The following CGNL1 variants were observed in gnomAD, a reference collection of about 807,000 sequenced individuals.
The protein encoded by CGNL1 is cingulin like 1, also known as cingulin-like protein 1.
In CGNL1, 132 loss-of-function variants were observed where a neutral mutation model predicts 141.2. The observed-to-expected ratio is 0.93, with a 90% CI of 0.81 to 1.08. The LOEUF is 1.08. Ranked by LOEUF, CGNL1 falls within the 50% of genes least tolerant of loss-of-function variation. The pLI, the probability that CGNL1 is intolerant of heterozygous loss-of-function variation, is 0.00. For synonymous variants in CGNL1, 690 were observed against 622.1 expected, an observed-to-expected ratio of 1.11 and a Z score of -1.63; for missense variants, 1,870 against 1,588.6, an observed-to-expected ratio of 1.18 and a Z score of -3.01.
At chr15:57,462,537 T>C (rs910434011) in intron 8 of CGNL1, among the ~76,000 whole-genome samples, 1 of 152,184 alleles carries the variant, frequency 6.6e-6, no homozygotes. Flanking sequence ...GGGAAAATGG[T>C]TTGAAATGTC....
At chr15:57,498,258 T>C (rs975067663) in intron 8 of CGNL1, among the ~76,000 whole-genome samples, 2 of 148,122 alleles carry the variant, frequency 1.4e-5, no homozygotes, top group Non-Finnish European at 3.0e-5. Context: ...TTTTTTTTTT[T>C]TTTTTTTGGA....
At chr15:57,423,339 G>A (rs1432385713) in intron 1 of CGNL1, among the ~76,000 whole-genome samples, 1 of 152,130 alleles carries the variant, frequency 6.6e-6, no homozygotes, top group Non-Finnish European at 1.5e-5. Context: ...CAACCCCCAT[G>A]GCTGTAAACA....
chr15:57,472,543 C>T (rs1378748300), intron 8 of CGNL1, among the ~76,000 whole-genome samples: 1 of 152,112 alleles, frequency 6.6e-6, no homozygotes, highest in African/African-American at 2.4e-5. Context: ...GTGGGAGGCC[C>T]TGGGATGATT....
At chr15:57,413,064 T>G (rs1276885367) in intron 1 of CGNL1, among the ~76,000 whole-genome samples, 2 of 152,122 alleles carry the variant, frequency 1.3e-5, no homozygotes, top group Non-Finnish European at 2.9e-5. Flanking sequence ...TTTCACCATG[T>G]TGGCCAGGCT....
At chr15:57,501,260 C>A (rs572012043) in intron 8 of CGNL1, among the ~76,000 whole-genome samples, 1 of 152,256 alleles carries the variant, frequency 6.6e-6, no homozygotes, top group African/African-American at 2.4e-5. Context: ...CCTATGAGCC[C>A]CTAAGCAAGT....
chr15:57,447,408 CAAGTATTGT>C (rs2063267631), intron 4 of CGNL1, among the ~76,000 whole-genome samples: 1 of 152,140 alleles, frequency 6.6e-6, no homozygotes. Context: ...TCTAGTGTGG[CAAGTATTGT>C]TTTGCTTCAT....
chr15:57,522,122 C>T (rs910536591), intron 10 of CGNL1, among the ~76,000 whole-genome samples: 1 of 152,204 alleles, frequency 6.6e-6, no homozygotes, highest in Non-Finnish European at 1.5e-5. Context: ...TAATTCCCCC[C>T]CACACTGAAC....
At position 57,393,343 on chromosome 15, in the gene CGNL1, C is replaced by G. The variant is rs150152726; in HGVS notation, c.-16+16776C>G. 1.0e-3 allele frequency among the ~76,000 whole-genome samples: 152 copies of G among 152,276 alleles called. 2 individuals carry two copies. Among genetic ancestry groups the G allele is most frequent in the African/African-American group, 3.5e-3 (144 of 41,552 alleles). ...ATTTCCTTTGGAACAAAATGAAAAG[C>G]TTTCAGTGTTCACAATTGGAGGAAA... is the stretch of plus-strand genomic sequence containing the variant. On this transcript the variant is annotated intron_variant, in intron 1 of 18. Transcript: ENST00000281282.
At chr15:57,496,707 G>C (rs1003661071) in intron 8 of CGNL1, among the ~76,000 whole-genome samples, 16 of 152,178 alleles carry the variant, frequency 1.1e-4, no homozygotes, top group African/African-American at 3.6e-4. Context: ...ATGAGCCCTG[G>C]AGTCAGACTC....
intron 1 of CGNL1, among the ~76,000 whole-genome samples, chr15:57,435,350 G>A (rs1034569944): frequency 6.6e-6 from 1 of 151,250 alleles, no homozygotes; most frequent in African/African-American, 2.4e-5. Context: ...ATCACAGTCA[G>A]GAATATTGTT....
chr15:57,395,518 G>T (rs1271153627), intron 1 of CGNL1, among the ~76,000 whole-genome samples: 1 of 152,168 alleles, frequency 6.6e-6, no homozygotes, highest in Non-Finnish European at 1.5e-5. Flanking sequence ...CAGCCTTTGC[G>T]TCTGGCCTTG....
chr15:57,464,498 G>A (rs1406721013), intron 8 of CGNL1, among the ~76,000 whole-genome samples: 5 of 152,180 alleles, frequency 3.3e-5, no homozygotes, highest in South Asian at 4.2e-4. Flanking sequence ...TCCGTGCGGT[G>A]TCTGGCAAGT....
intron 8 of CGNL1, among the ~76,000 whole-genome samples, chr15:57,491,861 C>T (rs867244634): frequency 6.6e-6 from 1 of 152,276 alleles, no homozygotes; most frequent in South Asian, 2.1e-4. Flanking sequence ...AACTCCCCTC[C>T]TCCTCCTCCT....
intron 14 of CGNL1, among the ~76,000 whole-genome samples, chr15:57,533,456 C>G (rs768500519): frequency 6.6e-6 from 1 of 152,188 alleles, no homozygotes; most frequent in East Asian, 1.9e-4. Context: ...GACGTTCCCC[C>G]CAGACATGTC....
chr15:57,538,116 C>T (rs1424085322), intron 14 of CGNL1, among the ~76,000 whole-genome samples: 1 of 152,240 alleles, frequency 6.6e-6, no homozygotes, highest in Non-Finnish European at 1.5e-5. Flanking sequence ...GCACTGAGGA[C>T]AGCTAACAGC....
intron 8 of CGNL1, among the ~76,000 whole-genome samples, chr15:57,473,899 C>CT (rs59761174): frequency 0.024 from 1,713 of 70,704 alleles, 102 homozygotes; most frequent in East Asian, 0.069. Flanking sequence ...TCTTCTTCTT[C>CT]TTTTTTTTTT....
chr15:57,506,544 G>A (rs1350603124), intron 8 of CGNL1, among the ~76,000 whole-genome samples: 1 of 152,218 alleles, frequency 6.6e-6, no homozygotes, highest in Non-Finnish European at 1.5e-5. Context: ...CAGTCTTGGT[G>A]AGTGTGTGGA....
rs535859580 is a variant in CGNL1, at chr15:57,478,669, C to T, written c.2403+16777C>T. Among the ~76,000 whole-genome samples, 7 of 152,254 alleles carry T rather than the reference C, an allele frequency of 4.6e-5. No individual in the cohort carries two copies. In the East Asian group the frequency reaches 5.8e-4, roughly 13 times the overall value. On this transcript the variant is annotated intron_variant, in intron 8 of 18. Transcript: ENST00000281282. The stretch of plus-strand genomic sequence containing the variant: ...GGGTAGATTCTTTTTTTGAGAGTCT[C>T]GCACTGTCACCCAGGCTGTAGTGCA...
chr15:57,430,499 A>G (rs1312965839), intron 1 of CGNL1, among the ~76,000 whole-genome samples: 2 of 152,246 alleles, frequency 1.3e-5, no homozygotes, highest in African/African-American at 2.4e-5. Context: ...ATACAAATTA[A>G]AAAGTAAAAG....
Sources: gnomAD v4.1 joint callset for allele counts (sites outside exome capture counted in the v4.1 genomes callset) on GRCh38, gnomAD v4.1.1 for gene constraint, MANE v1.5 for transcripts, NCBI Gene and HGNC (gene_info 2026-07-23, HGNC 2026-07-21) for gene names.